Variants in SLC12A8 observed in about 807,000 individuals in gnomAD.
The protein encoded by SLC12A8 is cation-chloride cotransporter 9.
Under a neutral mutation model 75.6 loss-of-function variants are expected in SLC12A8, and 69 were observed. The ratio of observed to expected loss-of-function variants is 0.91; its 90% confidence interval spans 0.75 to 1.11. The LOEUF (loss-of-function observed/expected upper bound fraction) is 1.11. SLC12A8 is among the 50% of genes most tolerant of loss of function. The pLI, the probability that SLC12A8 is intolerant of heterozygous loss-of-function variation, is 0.00. For missense variants in SLC12A8, 877 were observed against 896.7 expected, an observed-to-expected ratio of 0.98 and a Z score of 0.28; for synonymous variants, 365 against 372.8, an observed-to-expected ratio of 0.98 and a Z score of 0.24.
chr3:125,126,874 A>C (rs972649633), intron 6 of SLC12A8, among the ~76,000 whole-genome samples: 5 of 151,170 alleles, frequency 3.3e-5, no homozygotes, highest in Non-Finnish European at 7.4e-5. Flanking sequence ...TAACGTGCCC[A>C]AGTCTCATCT....
intron 3 of SLC12A8, among the ~76,000 whole-genome samples, chr3:125,188,321 G>A (rs1934836075): frequency 6.6e-6 from 1 of 152,200 alleles, no homozygotes; most frequent in South Asian, 2.1e-4. Flanking sequence ...CATGCTTCTT[G>A]TACAGCCTGC....
At chr3:125,144,828 G>A (rs533584871) in intron 5 of SLC12A8, among the ~76,000 whole-genome samples, 5 of 152,238 alleles carry the variant, frequency 3.3e-5, no homozygotes, top group African/African-American at 9.6e-5. Context: ...CAGCTGAGAC[G>A]GGGTGGGAGG....
In SLC12A8 at chr3:125,176,469, A is replaced by G. The variant is rs191478507; in HGVS notation, c.622+1274T>C. ...GCAATGGCAACAAAAGCCAAAATTG[A>G]CAAATGGGATACAATTAAACTAAAG... On this transcript the variant is annotated intron_variant, in intron 5 of 13. Coordinates refer to ENST00000469902, the MANE Select transcript of SLC12A8 (RefSeq NM_024628.6). Among the ~76,000 whole-genome samples the G allele has an allele frequency of 7.6e-3, 1,160 of 152,350 alleles. 10 individuals are homozygous for G. The highest frequency in any genetic ancestry group is 0.012 in the Non-Finnish European group (804 of 68,032).
intron 6 of SLC12A8, among the ~76,000 whole-genome samples, chr3:125,129,152 T>C (rs1010213591): frequency 1.3e-5 from 2 of 152,222 alleles, no homozygotes; most frequent in Non-Finnish European, 2.9e-5. Context: ...CCTTATCCCT[T>C]CCAGTAAGAG....
At chr3:125,201,785 T>A (rs1271981817) in intron 2 of SLC12A8, among the ~76,000 whole-genome samples, 2 of 151,892 alleles carry the variant, frequency 1.3e-5, no homozygotes, top group Non-Finnish European at 2.9e-5. Flanking sequence ...GCACCCACCC[T>A]TTGATTAAGG....
chr3:125,114,267 T>C (rs969029226), intron 8 of SLC12A8, among the ~76,000 whole-genome samples: 4 of 152,204 alleles, frequency 2.6e-5, no homozygotes, highest in South Asian at 2.1e-4. Context: ...AGGTGCTGAG[T>C]GGCCCACTAG....
chr3:125,097,439 C>T (rs1579465737), intron 10 of SLC12A8, among the ~76,000 whole-genome samples: 1 of 151,490 alleles, frequency 6.6e-6, no homozygotes, highest in East Asian at 1.9e-4. Flanking sequence ...TATATTTTTG[C>T]ATCTCTTTGA....
At chr3:125,189,493 C>T (rs1272861235) in intron 3 of SLC12A8, among the ~76,000 whole-genome samples, 2 of 152,214 alleles carry the variant, frequency 1.3e-5, no homozygotes, top group African/African-American at 4.8e-5. Context: ...ATAGCCTGTT[C>T]CACCCCAAGG....
chr3:125,117,181 C>G (rs1939334150), intron 8 of SLC12A8, among the ~76,000 whole-genome samples: 1 of 152,208 alleles, frequency 6.6e-6, no homozygotes, highest in Admixed American at 6.5e-5. Context: ...AAACCAAGCT[C>G]AAACATATCT....
intron 5 of SLC12A8, among the ~76,000 whole-genome samples, chr3:125,147,289 C>T (rs1933800426): frequency 1.3e-5 from 2 of 152,320 alleles, no homozygotes; most frequent in South Asian, 4.1e-4. Context: ...GTGCCTTTAA[C>T]CCGGGCTGCC....
chr3:125,092,088 T>A lies in SLC12A8; in HGVS notation c.1803+13A>T. The stretch of plus-strand genomic sequence containing the variant: ...GTCCCAAGAACAACTGAGATCAAGA[T>A]GAAGTTACTCACCCCCAACAGGGAG... On this transcript the variant is annotated intron_variant, in intron 11 of 13. Transcript: ENST00000469902. The A allele has an allele frequency of 6.3e-7, 1 of 1,583,268 alleles. No individual in the cohort carries two copies. The highest frequency in any genetic ancestry group is 8.7e-7 in the Non-Finnish European group (1 of 1,152,830).
At chr3:125,148,218 C>T (rs961798009) in intron 5 of SLC12A8, among the ~76,000 whole-genome samples, 2 of 152,188 alleles carry the variant, frequency 1.3e-5, no homozygotes, top group African/African-American at 4.8e-5. Context: ...CTATGGGGCC[C>T]AGAGATTTAA....
At chr3:125,198,910 T>C (rs1464975229) in intron 2 of SLC12A8, among the ~76,000 whole-genome samples, 2 of 151,800 alleles carry the variant, frequency 1.3e-5, no homozygotes, top group African/African-American at 4.8e-5. Flanking sequence ...CCCCAGTAGC[T>C]GAGACTACAG....
At chr3:125,097,222 T>TA (rs10707707) in intron 10 of SLC12A8, among the ~76,000 whole-genome samples, 2 of 151,174 alleles carry the variant, frequency 1.3e-5, no homozygotes, top group East Asian at 1.9e-4. Flanking sequence ...CCGTCTCTAC[T>TA]AAAAAAAATA....
At chr3:125,195,220 A>G (rs980253230) in intron 2 of SLC12A8, among the ~76,000 whole-genome samples, 2 of 152,252 alleles carry the variant, frequency 1.3e-5, no homozygotes, top group Non-Finnish European at 2.9e-5. Context: ...TCATGTTTAA[A>G]GTGGAATCCT....
chr3:125,118,561 T>A (rs903915581), intron 8 of SLC12A8, among the ~76,000 whole-genome samples: 2 of 152,162 alleles, frequency 1.3e-5, no homozygotes, highest in African/African-American at 4.8e-5. Flanking sequence ...CCTGGAAGGT[T>A]GAGGCTACAG....
chr3:125,203,653 G>A (rs965239793), intron 2 of SLC12A8, among the ~76,000 whole-genome samples: 1 of 152,120 alleles, frequency 6.6e-6, no homozygotes, highest in Non-Finnish European at 1.5e-5. Flanking sequence ...AAACATAGGG[G>A]GCATGCTTTG....
At position 125,107,770 on chromosome 3, in the gene SLC12A8, A is replaced by C. The variant is rs1191437377; in HGVS notation, c.1416T>G (p.Leu472=). ...CTCCTTGCCTGGGCTGGCTACTCTC[A>C]AGCTTCCTGGTTAGCTGGAGGAGCT... ...MDQLLQLTRK[L]ESSQPRQGEG... is the part of the protein sequence containing the mutation. Residue 472 remains leucine, a synonymous_variant, in exon 10 of 14, where the codon CTT becomes CTG. Coordinates refer to ENST00000469902, the MANE Select transcript of SLC12A8 (RefSeq NM_024628.6). 6.2e-7 allele frequency: 1 copy of C among 1,613,982 alleles called. No homozygotes were observed. The highest frequency in any genetic ancestry group is 2.2e-5 in the East Asian group (1 of 44,872).
intron 13 of SLC12A8, chr3:125,088,092 G>T (rs1938504253): frequency 3.5e-6 from 2 of 564,596 alleles, no homozygotes; most frequent in South Asian, 4.7e-5. Context: ...AAGGGAAGAG[G>T]ACATGAGCCT....
Sources: gnomAD v4.1 joint callset for allele counts (sites outside exome capture counted in the v4.1 genomes callset) on GRCh38, gnomAD v4.1.1 for gene constraint, MANE v1.5 for transcripts, NCBI Gene and HGNC (gene_info 2026-07-23, HGNC 2026-07-21) for gene names.